NTN1: variants seen among roughly 807,000 people sequenced by gnomAD.
NTN1 encodes netrin-1.
NTN1 carries 11 observed loss-of-function variants against 54.2 expected under a neutral mutation model. The observed-to-expected ratio is 0.20, with a 90% CI of 0.13 to 0.34. The LOEUF (loss-of-function observed/expected upper bound fraction) is 0.34. Among genes scored for constraint, NTN1 ranks in the 10% least tolerant of loss-of-function variants. The pLI is 1.00. For synonymous variants in NTN1, 371 were observed against 382.0 expected, an observed-to-expected ratio of 0.97 and a Z score of 0.33; for missense variants, 740 against 893.1, an observed-to-expected ratio of 0.83 and a Z score of 2.18.
At chr17:9,025,229 C>T (rs144104080) in intron 2 of NTN1, among the ~76,000 whole-genome samples, 42 of 152,290 alleles carry the variant, frequency 2.8e-4, no homozygotes, top group African/African-American at 9.1e-4. Context: ...CAGGTCTTGC[C>T]GTCAGTTTGG....
At chr17:9,176,216 T>C (rs540932369) in intron 3 of NTN1, 1 of 152,826 alleles carries the variant, frequency 6.5e-6, no homozygotes, top group Admixed American at 6.5e-5. Flanking sequence ...TGTGGCTTTG[T>C]GGATCTGAGT....
intron 2 of NTN1, among the ~76,000 whole-genome samples, chr17:9,129,689 T>G (rs2092258194): frequency 6.6e-6 from 1 of 152,184 alleles, no homozygotes. Flanking sequence ...TCACCTCCCG[T>G]GCCATTTGGA....
In NTN1 at chr17:9,243,894, G is replaced by C. The variant is rs992712761; in HGVS notation, c.*3926G>C. 6 of 145,304 alleles carry C rather than the reference G, an allele frequency of 4.1e-5. No homozygotes were observed. The East Asian group carries it at 6.4e-4, about 15-fold the overall frequency. The allele number at this position is 145,304 out of a possible 1,614,324, so 9.0% of individuals were successfully genotyped here. On this transcript the variant is annotated 3_prime_UTR_variant, in exon 7 of 7. Transcript: ENST00000173229. Reference sequence around the variant, plus strand: ...TCTTTCTTTCCTTTTTTTTGGGGGGGGGTGGGGGGTTGGTTAGAGTTGTAA... The same window carrying C: ...TCTTTCTTTCCTTTTTTTTGGGGGGCGGTGGGGGGTTGGTTAGAGTTGTAA...
Position 9,239,992 on chromosome 17 carries a change from C to T in NTN1, c.*24C>T, listed in dbSNP as rs972721960. 1.7e-4 allele frequency: 2 copies of T among 11,998 alleles called. No individual in the cohort carries two copies. Among genetic ancestry groups the T allele is most frequent in the Non-Finnish European group, 2.6e-4 (2 of 7,618 alleles). The allele number at this position is 11,998 out of a possible 1,614,324, so 0.7% of individuals were successfully genotyped here. ...AGCGCCGAGGCAGCGGGCGGGCGGG[C>T]GGGCGGGCGCCAGGGCGGGGCCGAG... On this transcript the variant is annotated 3_prime_UTR_variant, in exon 7 of 7. Transcript: ENST00000173229. The surrounding 1 kb of genome is among the most constrained non-coding windows in gnomAD (Gnocchi z 5.2).
At chr17:9,098,264 C>G (rs926620479) in intron 2 of NTN1, among the ~76,000 whole-genome samples, 9 of 152,336 alleles carry the variant, frequency 5.9e-5, no homozygotes, top group African/African-American at 1.9e-4. Flanking sequence ...TTCTCAGTTT[C>G]CTTATCAGCA....
chr17:9,112,823 CAAA>C lies in NTN1; in HGVS notation c.1019-49973_1019-49971del, dbSNP rs386385610. On this transcript the variant is annotated intron_variant, in intron 2 of 6. Transcript: ENST00000173229. ...CCTGGGTGACAGCGAGACTCCGTCT[CAAA>C]AAAAAAAAAAAAAAAATGCACCCCA... 5.6e-3 allele frequency among the ~76,000 whole-genome samples: 538 copies of C among 95,980 alleles called. 3 individuals carry two copies. Among genetic ancestry groups the C allele is most frequent in the East Asian group, 0.02 (70 of 3,566 alleles). The allele number at this position is 95,980 out of a possible 152,430, so 63.0% of individuals were successfully genotyped here. A position where few individuals can be genotyped will look rare whatever the true frequency, so the allele number is the denominator to read the frequency against.
chr17:9,032,846 T>C (rs11078777), intron 2 of NTN1, among the ~76,000 whole-genome samples: 36,153 of 151,988 alleles, frequency 0.24, 4,993 homozygotes, highest in African/African-American at 0.37. Flanking sequence ...CCAGCCCTGT[T>C]TCACTCTATG....
At position 9,111,087 on chromosome 17, in the gene NTN1, G is replaced by A. The variant is rs980852491; in HGVS notation, c.1019-51726G>A. On this transcript the variant is annotated intron_variant, in intron 2 of 6. Transcript: ENST00000173229. The stretch of plus-strand genomic sequence containing the variant: ...GTAGCTGGGAGGATTACCGGCACAC[G>A]CCACCACGCCTGGCTAATTTTTGTA... Among the ~76,000 whole-genome samples the A allele has an allele frequency of 5.9e-5, 9 of 151,952 alleles. No individual in the cohort carries two copies. In the East Asian group the frequency reaches 1.2e-3, roughly 20 times the overall value.
chr17:9,133,699 T>C (rs1031338676), intron 2 of NTN1, among the ~76,000 whole-genome samples: 1 of 149,200 alleles, frequency 6.7e-6, no homozygotes, highest in Admixed American at 6.7e-5. Flanking sequence ...GCGATTCTCC[T>C]GCCTCAGCCT....
At chr17:9,071,858 A>G (rs1169183246) in intron 2 of NTN1, among the ~76,000 whole-genome samples, 1 of 152,246 alleles carries the variant, frequency 6.6e-6, no homozygotes, top group Non-Finnish European at 1.5e-5. Flanking sequence ...TCTGAGTCCC[A>G]GCTTGCAGTA....
intron 2 of NTN1, among the ~76,000 whole-genome samples, chr17:9,027,515 G>C (rs1397154722): frequency 6.6e-6 from 1 of 152,160 alleles, no homozygotes; most frequent in Non-Finnish European, 1.5e-5. Flanking sequence ...AGAATGAATG[G>C]ATGGGTGGAT....
rs557605874 is a variant in NTN1, at chr17:9,180,102, G to A, written c.1357+146G>A. On this transcript the variant is annotated intron_variant, in intron 4 of 6. Coordinates refer to ENST00000173229, the MANE Select transcript of NTN1 (RefSeq NM_004822.3). Reference sequence around the variant, plus strand: ...CGCCCAGGCTGGAGTGCAGTGGCACGATCTCAGCTCACTGCAACCTCTGCC... The same window carrying A: ...CGCCCAGGCTGGAGTGCAGTGGCACAATCTCAGCTCACTGCAACCTCTGCC... The A allele has an allele frequency of 8.0e-5, 67 of 834,210 alleles. No homozygotes were observed. In the African/African-American group the frequency reaches 9.6e-4, roughly 12 times the overall value. 51.7% of individuals were successfully genotyped at this position (834,210 alleles called of 1,614,324 possible).
At chr17:9,005,041 G>A in the NTN1 span, among the ~76,000 whole-genome samples, 1 of 152,104 alleles carries the variant, frequency 6.6e-6, no homozygotes, top group African/African-American at 2.4e-5. Context: ...GTGGCCCCAA[G>A]TAAGGGGGCT....
rs1221824692 is a variant in NTN1 at position 9,062,061 on chromosome 17, A to C, written c.1018+38670A>C. Among the ~76,000 whole-genome samples the C allele has an allele frequency of 2.0e-5, 3 of 152,208 alleles. No homozygotes were observed. The East Asian group carries it at 5.8e-4, about 29-fold the overall frequency. On this transcript the variant is annotated intron_variant, in intron 2 of 6. Coordinates refer to ENST00000173229, the MANE Select transcript of NTN1 (RefSeq NM_004822.3). ...AAATGGCGTAAACGATGGCCACTGG[A>C]TATGGCTGTGAGAGCAATCACTCAT...
At chr17:9,068,910 G>A (rs1047155244) in intron 2 of NTN1, among the ~76,000 whole-genome samples, 16 of 152,184 alleles carry the variant, frequency 1.1e-4, no homozygotes, top group African/African-American at 3.9e-4. Flanking sequence ...AGGAAAGAGA[G>A]TGGCTGGTGG....
At chr17:9,149,260 C>CG (rs1555571578) in intron 2 of NTN1, among the ~76,000 whole-genome samples, 1 of 150,318 alleles carries the variant, frequency 6.7e-6, no homozygotes, top group Admixed American at 6.6e-5. Flanking sequence ...GAACCCCCCC[C>CG]ACACCCCCAC....
intron 6 of NTN1, among the ~76,000 whole-genome samples, chr17:9,227,630 C>A (rs1227055518): frequency 1.3e-5 from 2 of 150,760 alleles, no homozygotes; most frequent in Admixed American, 1.3e-4. Context: ...CAGACTATCA[C>A]GCACACACAT....
chr17:9,234,467 ACT>A (rs1407039588), intron 6 of NTN1, among the ~76,000 whole-genome samples: 1 of 151,896 alleles, frequency 6.6e-6, no homozygotes, highest in Non-Finnish European at 1.5e-5. Flanking sequence ...CTGGAACTGC[ACT>A]CTCTTCTTGC....
intron 2 of NTN1, among the ~76,000 whole-genome samples, chr17:9,148,048 A>C (rs935540477): frequency 4.6e-5 from 7 of 152,032 alleles, no homozygotes; most frequent in Non-Finnish European, 7.4e-5. Context: ...TTGCATGTGA[A>C]GTGGGGGCAT....
Sources: allele counts gnomAD v4.1 joint callset (sites outside exome capture counted in the v4.1 genomes callset), GRCh38; gene constraint gnomAD v4.1.1; non-coding constraint Gnocchi (gnomAD v3.1); transcripts MANE v1.5; gene names NCBI Gene and HGNC (gene_info 2026-07-23, HGNC 2026-07-21).